Variants in SLC22A16 observed in about 807,000 individuals in gnomAD.
SLC22A16 encodes solute carrier family 22 member 16, also known as WUGSC:RG331P03.1.
A neutral mutation model predicts 52.9 loss-of-function variants in SLC22A16; 53 were observed. The observed-to-expected ratio is 1.00, with a 90% CI of 0.80 to 1.26. The LOEUF (loss-of-function observed/expected upper bound fraction) is 1.26, where lower values mean the gene tolerates loss of function less well. Among genes scored for constraint, SLC22A16 ranks in the 50% most tolerant of loss-of-function variants. The probability of loss-of-function intolerance (pLI) is 0.00; values close to 1 mark genes in which losing one functional copy is unlikely to be tolerated. For missense variants in SLC22A16, 726 were observed against 704.0 expected (o/e 1.03, Z -0.35); for synonymous variants, 291 against 268.8 (o/e 1.08, Z -0.81).
rs1775701594 is a variant in SLC22A16, at chr6:110,457,336, T to C, written c.54-319A>G. Among the ~76,000 whole-genome samples, 4 of 151,942 alleles carry C rather than the reference T, an allele frequency of 2.6e-5. No individual in the cohort carries two copies. The South Asian group carries it at 8.3e-4, about 32-fold the overall frequency. ...GATTCTAAAGCCAGGAAAAGAAGAA[T>C]ACAAAATAAGCCTGGAATATCTTAC... On this transcript the variant is annotated intron_variant, in intron 1 of 7. Transcript: ENST00000368919.
rs553526312 is a variant in SLC22A16 at position 110,456,813 on chromosome 6, A to G, written c.258T>C (p.Val86=). The G allele has an allele frequency of 6.6e-5, 106 of 1,614,192 alleles. 1 individual carries two copies. The South Asian group carries it at 1.1e-3, about 16-fold the overall frequency. ...TCTCACCATTCTGCAACTGCACCGT[A>G]ACATAATCTTTCTGGCCTGAAGACA... ...ALLSSGQKDY[V]TVQLQNGEIW... is the part of the protein sequence containing the mutation. Residue 86 remains valine, a synonymous_variant, in exon 2 of 8, where the codon GTT becomes GTC. Transcript: ENST00000368919.
At position 110,435,893 on chromosome 6, in the gene SLC22A16, G is replaced by A. The variant is rs373240179; in HGVS notation, c.1380C>T (p.Leu460=). Residue 460 remains leucine (L), a synonymous_variant, in exon 6 of 8, where the codon CTC becomes CTT. Coordinates refer to ENST00000368919, the MANE Select transcript of SLC22A16 (RefSeq NM_033125.4). ...GKFAIGAAFG[L]IYLYTAELYP... The stretch of plus-strand genomic sequence containing the variant: ...ACAGCTCAGCTGTATAAAGATAAAT[G>A]AGGCCAAATGCTGCCCCGATGGCAA... The A allele has an allele frequency of 6.3e-5, 102 of 1,613,758 alleles. No individual in the cohort carries two copies. The highest frequency in any genetic ancestry group is 8.4e-5 in the Non-Finnish European group (99 of 1,179,918).
At chr6:110,460,876 AC>A (rs1562297143) in intron 1 of SLC22A16, among the ~76,000 whole-genome samples, 1 of 152,192 alleles carries the variant, frequency 6.6e-6, no homozygotes, top group Admixed American at 6.5e-5. Flanking sequence ...TAGGGGGAGC[AC>A]AGCCCACCAA....
intron 2 of SLC22A16, 25 bp downstream of exon 2, chr6:110,456,510 TACA>T: frequency 6.2e-7 from 1 of 1,610,116 alleles, no homozygotes; most frequent in Non-Finnish European, 8.5e-7. Flanking sequence ...CCTACACTGA[TACA>T]ACAATCCTAA....
In SLC22A16 at chr6:110,459,480, A is replaced by G. The variant is rs1033590321; in HGVS notation, c.54-2463T>C. The stretch of plus-strand genomic sequence containing the variant: ...CCAGATTGGGGGTCATCTACAGGTT[A>G]CCTGGCCAATATACCTAAAGACTGC... On this transcript the variant is annotated intron_variant, in intron 1 of 7. Transcript: ENST00000368919. Among the ~76,000 whole-genome samples the G allele has an allele frequency of 2.0e-5, 3 of 152,242 alleles. No individual in the cohort carries two copies. The South Asian group carries it at 6.2e-4, about 31-fold the overall frequency.
intron 1 of SLC22A16, among the ~76,000 whole-genome samples, chr6:110,472,307 C>T (rs1776287257): frequency 6.6e-6 from 1 of 152,158 alleles, no homozygotes; most frequent in Non-Finnish European, 1.5e-5. Flanking sequence ...CACACTCCCA[C>T]TCTCCAGACC....
At chr6:110,464,640 C>G (rs1775999795) in intron 1 of SLC22A16, among the ~76,000 whole-genome samples, 1 of 151,522 alleles carries the variant, frequency 6.6e-6, no homozygotes, top group Admixed American at 6.6e-5. Context: ...GAATCAGTAA[C>G]AAAAAAATGT....
rs1273116060 is a variant in SLC22A16 at position 110,454,612 on chromosome 6, T to A, written c.533+1926A>T. 4.0e-3 allele frequency among the ~76,000 whole-genome samples: 322 copies of A among 81,364 alleles called. 4 individuals are homozygous for A. Among genetic ancestry groups the A allele is most frequent in the African/African-American group, 0.02 (308 of 15,468 alleles). 53.4% of individuals were successfully genotyped at this position (81,364 alleles called of 152,430 possible). A position where few individuals can be genotyped will look rare whatever the true frequency, so the allele number is the denominator to read the frequency against. On this transcript the variant is annotated intron_variant, in intron 2 of 7. Transcript: ENST00000368919. ...ATATATATTTATATATATTATATAT[T>A]TTATATATAATATATATTTATATAT...
chr6:110,432,311 G>A (rs1348495164), intron 6 of SLC22A16, among the ~76,000 whole-genome samples: 1 of 152,054 alleles, frequency 6.6e-6, no homozygotes, highest in Non-Finnish European at 1.5e-5. Flanking sequence ...ATTTTTTTGA[G>A]GTCATGTACC....
At chr6:110,444,802 C>G (rs1206911708) in intron 3 of SLC22A16, among the ~76,000 whole-genome samples, 1 of 152,204 alleles carries the variant, frequency 6.6e-6, no homozygotes, top group Non-Finnish European at 1.5e-5. Flanking sequence ...CATCGGGACC[C>G]TACATCTAAC....
intron 1 of SLC22A16, among the ~76,000 whole-genome samples, chr6:110,459,830 AATT>A (rs1490928087): frequency 6.6e-6 from 1 of 152,238 alleles, no homozygotes; most frequent in Non-Finnish European, 1.5e-5. Flanking sequence ...AGAGTCTCCA[AATT>A]TATAGACTCA....
chr6:110,461,613 T>G, intron 1 of SLC22A16, among the ~76,000 whole-genome samples: 1 of 152,100 alleles, frequency 6.6e-6, no homozygotes, highest in South Asian at 2.1e-4. Flanking sequence ...TCCTGAGACC[T>G]CCACACTCCT....
Position 110,464,876 on chromosome 6 carries a change from T to C in SLC22A16, c.54-7859A>G, listed in dbSNP as rs375792477. 2.5e-3 allele frequency among the ~76,000 whole-genome samples: 385 copies of C among 151,950 alleles called. 3 individuals carry two copies. The highest frequency in any genetic ancestry group is 9.0e-3 in the African/African-American group (374 of 41,478). On this transcript the variant is annotated intron_variant, in intron 1 of 7. Coordinates refer to ENST00000368919, the MANE Select transcript of SLC22A16 (RefSeq NM_033125.4). ...GGCCAATATCTCTGATGAACATAGA[T>C]ACAAAAATCCTCAACAAAATACTAG... is the stretch of plus-strand genomic sequence containing the variant.
intron 2 of SLC22A16, among the ~76,000 whole-genome samples, chr6:110,450,045 A>G (rs1775314146): frequency 6.6e-6 from 1 of 152,132 alleles, no homozygotes; most frequent in Non-Finnish European, 1.5e-5. Flanking sequence ...TCCATTGATC[A>G]TTCCTTGGGG....
chr6:110,428,272 A>G (rs984528071), intron 7 of SLC22A16, among the ~76,000 whole-genome samples: 1 of 152,168 alleles, frequency 6.6e-6, no homozygotes, highest in Non-Finnish European at 1.5e-5. Context: ...ATTACAAACA[A>G]TAGGTAATAC....
At chr6:110,428,915 G>C (rs1774384852) in intron 7 of SLC22A16, among the ~76,000 whole-genome samples, 1 of 152,058 alleles carries the variant, frequency 6.6e-6, no homozygotes, top group Non-Finnish European at 1.5e-5. Context: ...GCAAGACTCT[G>C]TCTCAGAAGA....
intron 1 of SLC22A16, among the ~76,000 whole-genome samples, chr6:110,471,035 C>T (rs908866862): frequency 4.6e-5 from 7 of 152,204 alleles, no homozygotes; most frequent in African/African-American, 1.7e-4. Context: ...CCGCCTGTGA[C>T]AGCATCTCCT....
rs13437430 is a variant in SLC22A16 at position 110,460,942 on chromosome 6, G to A, written c.54-3925C>T. ...CACAGGACCAATCTCTGAAAGGGGC[G>A]GTAGTAGTAGCTGGGAAGGGACATG... On this transcript the variant is annotated intron_variant, in intron 1 of 7. Coordinates refer to ENST00000368919, the MANE Select transcript of SLC22A16 (RefSeq NM_033125.4). Among the ~76,000 whole-genome samples the A allele has an allele frequency of 9.6e-3, 1,459 of 152,284 alleles. 25 individuals carry two copies. The highest frequency in any genetic ancestry group is 0.033 in the African/African-American group (1,372 of 41,546).
At position 110,431,023 on chromosome 6, in the gene SLC22A16, G is replaced by T. The variant is rs763513573; in HGVS notation, c.1521+148C>A. ...CAGCCACCACCCTACTCACCAACTG[G>T]CCAGCTGTTGGTAATGGGGTTGTTT... On this transcript the variant is annotated intron_variant, in intron 7 of 7. Coordinates refer to ENST00000368919, the MANE Select transcript of SLC22A16 (RefSeq NM_033125.4). 6.9e-4 allele frequency: 435 copies of T among 627,620 alleles called. 1 individual carries two copies. Among genetic ancestry groups the T allele is most frequent in the Non-Finnish European group, 8.2e-4 (291 of 356,478 alleles). 38.9% of individuals were successfully genotyped at this position (627,620 alleles called of 1,614,324 possible). A position where few individuals can be genotyped will look rare whatever the true frequency, so the allele number is the denominator to read the frequency against.
Sources: gnomAD v4.1 joint callset for allele counts (sites outside exome capture counted in the v4.1 genomes callset) on GRCh38, gnomAD v4.1.1 for gene constraint, MANE v1.5 for transcripts, NCBI Gene and HGNC (gene_info 2026-07-23, HGNC 2026-07-21) for gene names.